ZNF385D: variants seen among roughly 807,000 people sequenced by gnomAD.
ZNF385D encodes the protein zinc finger protein 385D.
A neutral mutation model predicts 35.8 loss-of-function variants in ZNF385D; 15 were observed. The ratio of observed to expected loss-of-function variants is 0.42; its 90% CI spans 0.28 to 0.64. The LOEUF is 0.64. ZNF385D is among the 30% of genes least tolerant of loss of function. ZNF385D has a pLI of 0.23. For missense variants in ZNF385D, 474 were observed against 494.6 expected (o/e 0.96, Z 0.39); for synonymous variants, 212 against 186.8 (o/e 1.13, Z -1.10).
At chr3:21,791,411 A>T (rs867730355) in intron 3 of ZNF385D, among the ~76,000 whole-genome samples, 3 of 152,348 alleles carry the variant, frequency 2.0e-5, no homozygotes, top group South Asian at 2.1e-4. Flanking sequence ...CAATAGTGAC[A>T]AGAAGCAGGA....
rs143273947 is a variant in ZNF385D at position 21,970,695 on chromosome 3, A to G, written c.325+198122T>C. On this transcript the variant is annotated intron_variant, in intron 3 of 5. Coordinates refer to the ZNF385D transcript ENST00000494108. ...TTTCCAAACCTAGAGAAAAACATCA[A>G]TATCTAAGTACAAGAAGTTTATAGA... Among the ~76,000 whole-genome samples the G allele has an allele frequency of 4.1e-3, 626 of 152,252 alleles. 8 individuals are homozygous for G. The highest frequency in any genetic ancestry group is 0.014 in the African/African-American group (588 of 41,576).
chr3:21,489,803 T>A (rs1045452816), intron 4 of ZNF385D, among the ~76,000 whole-genome samples: 7 of 152,096 alleles, frequency 4.6e-5, no homozygotes, highest in African/African-American at 1.7e-4. Context: ...GTTCCAGACC[T>A]CCAGCACATT....
intron 3 of ZNF385D, among the ~76,000 whole-genome samples, chr3:22,086,985 T>C (rs1027309272): frequency 1.3e-5 from 2 of 151,974 alleles, no homozygotes; most frequent in Non-Finnish European, 2.9e-5. Context: ...CTAATGTAAA[T>C]GACAAGTTAA....
In ZNF385D at chr3:21,850,024, G is replaced by A. The variant is rs558754913; in HGVS notation, c.326-184996C>T. ...CTGCCAAAGCGTTGGAATCACAGGC[G>A]TGAGCCACCACACTCAGCCTAAAAT... On this transcript the variant is annotated intron_variant, in intron 3 of 5. Transcript: ENST00000494108. Among the ~76,000 whole-genome samples, 35 of 152,158 alleles carry A rather than the reference G, an allele frequency of 2.3e-4. No individual in the cohort carries two copies. In the South Asian group the frequency reaches 7.3e-3, roughly 32 times the overall value.
intron 2 of ZNF385D, among the ~76,000 whole-genome samples, chr3:22,183,919 T>G (rs1441667481): frequency 6.6e-6 from 1 of 152,144 alleles, no homozygotes; most frequent in African/African-American, 2.4e-5. Flanking sequence ...AACTGTTAAT[T>G]AAAAAAAGGA....
chr3:22,204,392 G>A (rs1215156304), intron 2 of ZNF385D, among the ~76,000 whole-genome samples: 3 of 151,986 alleles, frequency 2.0e-5, no homozygotes, highest in Non-Finnish European at 4.4e-5. Context: ...CAGAAGAATG[G>A]AAACAAACAA....
At chr3:21,586,500 C>A (rs1274796796) in intron 2 of ZNF385D, among the ~76,000 whole-genome samples, 2 of 152,086 alleles carry the variant, frequency 1.3e-5, no homozygotes, top group Non-Finnish European at 2.9e-5. Flanking sequence ...AATATATAAT[C>A]ATTAGAATAT....
intron 2 of ZNF385D, among the ~76,000 whole-genome samples, chr3:22,204,483 G>C (rs547647631): frequency 1.1e-4 from 16 of 151,874 alleles, no homozygotes; most frequent in African/African-American, 3.1e-4. Flanking sequence ...CAAGAGCATC[G>C]AGAAAAACAT....
At position 21,968,814 on chromosome 3, in the gene ZNF385D, G is replaced by A. The variant is rs562147771; in HGVS notation, c.325+200003C>T. On this transcript the variant is annotated intron_variant, in intron 3 of 5. Transcript: ENST00000494108. Reference sequence around the variant, plus strand: ...TTCCAAGCTATGTTAGCTAAAGGGAGAGACTCCTTTTGCTTAAGGAAAGGA... The same window carrying A: ...TTCCAAGCTATGTTAGCTAAAGGGAAAGACTCCTTTTGCTTAAGGAAAGGA... Among the ~76,000 whole-genome samples the A allele has an allele frequency of 7.9e-5, 12 of 152,296 alleles. No individual in the cohort carries two copies. In the South Asian group the frequency reaches 2.3e-3, roughly 29 times the overall value.
chr3:22,037,010 G>C (rs1461015100), intron 3 of ZNF385D, among the ~76,000 whole-genome samples: 1 of 151,672 alleles, frequency 6.6e-6, no homozygotes, highest in Non-Finnish European at 1.5e-5. Flanking sequence ...ATGGTTTCCA[G>C]CTTCATCCAT....
At chr3:21,621,002 A>G in intron 2 of ZNF385D, among the ~76,000 whole-genome samples, 1 of 151,890 alleles carries the variant, frequency 6.6e-6, no homozygotes, top group East Asian at 2.0e-4. Context: ...GTGTGCGCAC[A>G]CACACACACA....
chr3:22,287,287 G>A (rs371469630), intron 2 of ZNF385D, among the ~76,000 whole-genome samples: 2 of 151,924 alleles, frequency 1.3e-5, no homozygotes, highest in African/African-American at 2.4e-5. Context: ...CTCTTAAAGT[G>A]AGCACATTGT....
intron 1 of ZNF385D, among the ~76,000 whole-genome samples, chr3:21,750,326 C>G (rs1266790758): frequency 2.6e-5 from 4 of 152,198 alleles, no homozygotes; most frequent in Non-Finnish European, 5.9e-5. Flanking sequence ...TCTCCGAGAC[C>G]TCTAAAGGTT....
intron 3 of ZNF385D, among the ~76,000 whole-genome samples, chr3:21,810,044 C>T (rs1266310374): frequency 2.0e-5 from 3 of 151,966 alleles, no homozygotes; most frequent in Non-Finnish European, 4.4e-5. Context: ...GTTATAACAC[C>T]AGCATGTCCT....
intron 3 of ZNF385D, among the ~76,000 whole-genome samples, chr3:21,527,884 G>T (rs972772091): frequency 3.3e-5 from 5 of 152,122 alleles, no homozygotes; most frequent in Non-Finnish European, 1.5e-5. Context: ...AGAGCGTAAA[G>T]ATATCCTAAT....
chr3:22,253,584 G>T (rs772717427), intron 2 of ZNF385D, among the ~76,000 whole-genome samples: 16 of 151,798 alleles, frequency 1.1e-4, no homozygotes, highest in Non-Finnish European at 2.2e-4. Context: ...GACATGATAG[G>T]ACTCACCAAT....
intron 3 of ZNF385D, among the ~76,000 whole-genome samples, chr3:22,098,922 T>C (rs551013860): frequency 3.3e-5 from 5 of 152,076 alleles, no homozygotes; most frequent in Non-Finnish European, 7.4e-5. Context: ...GTTTTAACAC[T>C]TGCCTACTAT....
At chr3:22,019,744 G>A (rs1437308429) in intron 3 of ZNF385D, among the ~76,000 whole-genome samples, 1 of 151,774 alleles carries the variant, frequency 6.6e-6, no homozygotes, top group Non-Finnish European at 1.5e-5. Flanking sequence ...CTCTATGCAG[G>A]AACAGCTACA....
chr3:21,777,087 A>G (rs891912826), intron 3 of ZNF385D, among the ~76,000 whole-genome samples: 2 of 151,922 alleles, frequency 1.3e-5, no homozygotes, highest in Admixed American at 6.6e-5. Context: ...TGTCTGTGGG[A>G]TACATTTGAA....
Sources: gnomAD v4.1 joint callset for allele counts (sites outside exome capture counted in the v4.1 genomes callset) on GRCh38, gnomAD v4.1.1 for gene constraint, MANE v1.5 for transcripts, NCBI Gene and HGNC (gene_info 2026-07-23, HGNC 2026-07-21) for gene names.